PDE8A: variants seen among roughly 807,000 people sequenced by gnomAD.
PDE8A encodes high affinity cAMP-specific and IBMX-insensitive 3',5'-cyclic phosphodiesterase 8A.
Under a neutral mutation model 105.0 loss-of-function variants are expected in PDE8A, and 59 were observed. That is an observed-to-expected ratio of 0.56 (90% confidence interval 0.46 to 0.70). PDE8A has a LOEUF of 0.70. Among genes scored for constraint, PDE8A ranks in the 30% least tolerant of loss-of-function variants. The pLI, the probability that PDE8A is intolerant of heterozygous loss-of-function variation, is 0.00. For synonymous variants in PDE8A, 355 were observed against 371.9 expected (o/e 0.95, Z 0.52); for missense variants, 1,014 against 1,045.9 (o/e 0.97, Z 0.42).
At chr15:85,074,666 A>G (rs992423568) in intron 3 of PDE8A, among the ~76,000 whole-genome samples, 1 of 152,096 alleles carries the variant, frequency 6.6e-6, no homozygotes, top group African/African-American at 2.4e-5. Flanking sequence ...ACAAATAGGA[A>G]CCTGTCTCAA....
intron 1 of PDE8A, among the ~76,000 whole-genome samples, chr15:85,047,150 A>G (rs1213301253): frequency 6.6e-6 from 1 of 152,228 alleles, no homozygotes; most frequent in Non-Finnish European, 1.5e-5. Context: ...ATTTAAATTT[A>G]TTTGAAATGA....
At chr15:85,037,200 G>A (rs371726652) in intron 1 of PDE8A, among the ~76,000 whole-genome samples, 6 of 152,052 alleles carry the variant, frequency 3.9e-5, no homozygotes, top group African/African-American at 1.4e-4. Flanking sequence ...CAAGTAGCTG[G>A]GATTACAGGT....
intron 20 of PDE8A, among the ~76,000 whole-genome samples, chr15:85,130,110 G>C (rs1035230443): frequency 6.6e-6 from 1 of 152,166 alleles, no homozygotes; most frequent in African/African-American, 2.4e-5. Context: ...AGCAAAGGAA[G>C]GGGGAAGCAG....
intron 1 of PDE8A, among the ~76,000 whole-genome samples, chr15:84,989,191 A>G (rs999340465): frequency 6.6e-6 from 1 of 152,152 alleles, no homozygotes; most frequent in Non-Finnish European, 1.5e-5. Flanking sequence ...ACAAGTTTAT[A>G]TTGCATGTCT....
chr15:85,091,410 A>G (rs1356321404), intron 8 of PDE8A, among the ~76,000 whole-genome samples: 1 of 152,224 alleles, frequency 6.6e-6, no homozygotes. Flanking sequence ...GACACTTAAC[A>G]ATCATTGTTT....
intron 5 of PDE8A, among the ~76,000 whole-genome samples, chr15:85,082,877 T>C (rs1419754204): frequency 6.6e-6 from 1 of 152,270 alleles, no homozygotes; most frequent in African/African-American, 2.4e-5. Context: ...GTCCATCTTC[T>C]CAGAACTATG....
intron 10 of PDE8A, 26 bp downstream of exon 10, chr15:85,100,092 C>G: frequency 6.2e-7 from 1 of 1,612,810 alleles, no homozygotes; most frequent in Non-Finnish European, 8.5e-7. Flanking sequence ...CCCCCGGGGC[C>G]CCAGGAACAC....
At chr15:84,985,126 C>G (rs1259432070) in intron 1 of PDE8A, among the ~76,000 whole-genome samples, 2 of 152,140 alleles carry the variant, frequency 1.3e-5, no homozygotes, top group African/African-American at 4.8e-5. Flanking sequence ...GAGCCCTTTT[C>G]TTGAGGTGTA....
At chr15:85,054,503 G>T (rs1210892072) in intron 1 of PDE8A, among the ~76,000 whole-genome samples, 1 of 152,126 alleles carries the variant, frequency 6.6e-6, no homozygotes, top group Admixed American at 6.6e-5. Flanking sequence ...GCCTGTTATT[G>T]GTCTATTCAG....
chr15:85,039,674 TTTTA>T (rs1315473618), intron 1 of PDE8A, among the ~76,000 whole-genome samples: 1 of 152,206 alleles, frequency 6.6e-6, no homozygotes, highest in Non-Finnish European at 1.5e-5. Flanking sequence ...TTCGTTGCAG[TTTTA>T]TTCACAACAG....
chr15:85,126,919 A>G (rs1038283135), intron 20 of PDE8A, among the ~76,000 whole-genome samples: 3 of 152,230 alleles, frequency 2.0e-5, no homozygotes, highest in Admixed American at 6.5e-5. Flanking sequence ...ATCAAAAACT[A>G]TGAAGGCCAG....
intron 1 of PDE8A, among the ~76,000 whole-genome samples, chr15:85,001,268 C>A (rs1044541836): frequency 2.5e-4 from 38 of 152,056 alleles, no homozygotes; most frequent in African/African-American, 9.2e-4. Flanking sequence ...CCAAAAAAAC[C>A]TCGATGAAGG....
chr15:85,043,378 G>A (rs2080839572), intron 1 of PDE8A, among the ~76,000 whole-genome samples: 1 of 152,128 alleles, frequency 6.6e-6, no homozygotes, highest in Admixed American at 6.6e-5. Context: ...TTGGGAGGGT[G>A]GAGGGAAGAG....
At chr15:85,123,230 G>C (rs762071713) in intron 19 of PDE8A, 37 bp downstream of exon 19, 4 of 1,608,434 alleles carry the variant, frequency 2.5e-6, no homozygotes, top group Non-Finnish European at 3.4e-6. Context: ...CCTGTGTTTG[G>C]GGTCCTTGTA....
At chr15:85,105,345 A>G (rs961403837) in intron 11 of PDE8A, among the ~76,000 whole-genome samples, 1 of 152,064 alleles carries the variant, frequency 6.6e-6, no homozygotes, top group African/African-American at 2.4e-5. Flanking sequence ...GTTGCAGAGT[A>G]AGTGCTCTGC....
At chr15:85,010,125 G>C (rs1449000967) in intron 1 of PDE8A, among the ~76,000 whole-genome samples, 2 of 152,178 alleles carry the variant, frequency 1.3e-5, no homozygotes, top group Admixed American at 1.3e-4. Context: ...AAGGGGAGGG[G>C]TAGTGATTTG....
intron 1 of PDE8A, among the ~76,000 whole-genome samples, chr15:85,007,094 A>G (rs2080160197): frequency 6.6e-6 from 1 of 152,148 alleles, no homozygotes; most frequent in African/African-American, 2.4e-5. Context: ...GGAGTTTTGC[A>G]TTTCGCAGAA....
chr15:85,097,903 A>G (rs1330182612), intron 8 of PDE8A, 45 bp from the exon 9 acceptor site: 1 of 1,067,372 alleles, frequency 9.4e-7, no homozygotes, highest in East Asian at 2.4e-5. Context: ...TCTTGGGTTT[A>G]TGTTTTCAAC....
At chr15:84,980,520 G>C (rs2079689431), upstream of PDE8A, 1 of 152,420 alleles carries the variant, frequency 6.6e-6, no homozygotes, top group African/African-American at 2.4e-5. Context: ...CGGTCGGAGA[G>C]GACAGGAAGG....
Sources: allele counts gnomAD v4.1 joint callset (sites outside exome capture counted in the v4.1 genomes callset), GRCh38; gene constraint gnomAD v4.1.1; transcripts MANE v1.5; gene names NCBI Gene and HGNC (gene_info 2026-07-23, HGNC 2026-07-21).